Variants in SERHL2 observed in about 807,000 individuals in gnomAD.
The protein encoded by SERHL2 is serine hydrolase like 2, also known as serine hydrolase-like protein 2.
SERHL2 carries 29 observed loss-of-function variants against 25.5 expected under a neutral mutation model. The observed-to-expected ratio is 1.14, with a 90% CI of 0.85 to 1.55. The LOEUF (loss-of-function observed/expected upper bound fraction) is 1.55, where lower values mean the gene tolerates loss of function less well. Among genes scored for constraint, SERHL2 ranks in the 40% most tolerant of loss-of-function variants. The pLI is 0.00. For missense variants in SERHL2, 240 were observed against 252.3 expected (o/e 0.95, Z 0.33); for synonymous variants, 95 against 103.5 (o/e 0.92, Z 0.50).
rs551189406 is a variant in SERHL2, at chr22:42,559,958, C to T, written c.534-228C>T. Among the ~76,000 whole-genome samples the T allele has an allele frequency of 1.6e-4, 24 of 151,876 alleles. No homozygotes were observed. The Middle Eastern group carries it at 0.014, about 87-fold the overall frequency. On this transcript the variant is annotated intron_variant, in intron 7 of 11. Coordinates refer to ENST00000327678, the MANE Select transcript of SERHL2 (RefSeq NM_014509.5). ...TCCCAAGTAGCTGGGATTACAGGCA[C>T]ATGCCACCATGTCCAGCTAAGTTTT...
chr22:42,556,078 G>T lies in SERHL2; in HGVS notation c.343G>T (p.Gly115Ter), dbSNP rs1430323171. 1 of 562,508 alleles carries T rather than the reference G, an allele frequency of 1.8e-6. No individual in the cohort carries two copies. The highest frequency in any genetic ancestry group is 3.0e-5 in the Admixed American group (1 of 33,798). The allele number at this position is 562,508 out of a possible 1,614,324, so 34.8% of individuals were successfully genotyped here. Residue 115 changes from glycine (G) to a stop codon, truncating the protein, a stop_gained, in exon 5 of 12, where the codon GGA (glycine) becomes TGA (stop). Coordinates refer to ENST00000327678, the MANE Select transcript of SERHL2 (RefSeq NM_014509.5). LOFTEE classifies it high-confidence loss of function. ...LGHSFGGVVG[G>*]MFFCTFPEMV... ...TTGTCCCCCAGGTGGCGTCGTGGGC[G>T]GAATGGTGAGTAGATGGCTTTGTCT... is the stretch of plus-strand genomic sequence containing the variant.
At chr22:42,564,646 G>C (rs1923103458) in intron 8 of SERHL2, among the ~76,000 whole-genome samples, 1 of 151,772 alleles carries the variant, frequency 6.6e-6, no homozygotes, top group Non-Finnish European at 1.5e-5. Context: ...GGCCAGGCTG[G>C]TCTCGAACTC....
At position 42,563,638 on chromosome 22, in the gene SERHL2, C is replaced by A. The variant is rs562306245; in HGVS notation, c.614-2666C>A. ...ATTTGTTTAACTTGTGCAGTTTAATCAAAAACATTTGGCATGGGGGGAATT... is the reference window on the plus strand; with the variant it reads ...ATTTGTTTAACTTGTGCAGTTTAATAAAAAACATTTGGCATGGGGGGAATT... On this transcript the variant is annotated intron_variant, in intron 8 of 11. Transcript: ENST00000327678. Among the ~76,000 whole-genome samples the A allele has an allele frequency of 2.2e-4, 33 of 151,978 alleles. 1 individual carries two copies. Among genetic ancestry groups the A allele is most frequent in the Admixed American group, 1.7e-3 (26 of 15,254 alleles).
chr22:42,560,133 G>C (rs1922499717), intron 7 of SERHL2, 53 bp from the exon 8 acceptor site: 6 of 1,397,750 alleles, frequency 4.3e-6, no homozygotes, highest in Non-Finnish European at 6.1e-6. Context: ...CTTTTTATCT[G>C]ACCTCCTTTT....
At chr22:42,563,157 C>T (rs557424458) in intron 8 of SERHL2, among the ~76,000 whole-genome samples, 18 of 151,672 alleles carry the variant, frequency 1.2e-4, no homozygotes, top group African/African-American at 1.9e-4. Context: ...TGTGCCACTG[C>T]ACTCTAGCAA....
Position 42,566,285 on chromosome 22 carries a change from T to C in SERHL2, c.614-19T>C. On this transcript the variant is annotated intron_variant, in intron 8 of 11. Coordinates refer to ENST00000327678, the MANE Select transcript of SERHL2 (RefSeq NM_014509.5). ...GATGGACAGCATTGACGCTGCTGTCTTTGTGCTTCCGCCTCCAGGTCTGGT... is the reference window on the plus strand; with the variant it reads ...GATGGACAGCATTGACGCTGCTGTCCTTGTGCTTCCGCCTCCAGGTCTGGT... 6.2e-7 allele frequency: 1 copy of C among 1,610,696 alleles called. No individual in the cohort carries two copies. The highest frequency in any genetic ancestry group is 1.3e-5 in the African/African-American group (1 of 75,036).
chr22:42,561,526 G>C (rs752784377), intron 8 of SERHL2, among the ~76,000 whole-genome samples: 1 of 151,676 alleles, frequency 6.6e-6, no homozygotes, highest in Non-Finnish European at 1.5e-5. Context: ...GTGCAGGCCG[G>C]GAGGGAGGCT....
intron 1 of SERHL2, among the ~76,000 whole-genome samples, chr22:42,554,412 A>G (rs1347005890): frequency 2.6e-5 from 4 of 152,032 alleles, no homozygotes; most frequent in African/African-American, 9.7e-5. Flanking sequence ...GCCCAGTGTG[A>G]CCTTGGGCAT....
Position 42,559,599 on chromosome 22 carries a change from A to G in SERHL2, c.534-587A>G, listed in dbSNP as rs1013817306. Reference sequence around the variant, plus strand: ...GGGCGCCTGAATATCTATCCAGAAGAGGCGTTAGACATTCTCTAGATGTAA... The same window carrying G: ...GGGCGCCTGAATATCTATCCAGAAGGGGCGTTAGACATTCTCTAGATGTAA... On this transcript the variant is annotated intron_variant, in intron 7 of 11. Transcript: ENST00000327678. 4.6e-5 allele frequency among the ~76,000 whole-genome samples: 7 copies of G among 151,604 alleles called. 1 individual carries two copies. The highest frequency in any genetic ancestry group is 1.7e-4 in the African/African-American group (7 of 41,320).
At chr22:42,567,794 T>G (rs369625083) in intron 9 of SERHL2, among the ~76,000 whole-genome samples, 1 of 151,732 alleles carries the variant, frequency 6.6e-6, no homozygotes, top group Non-Finnish European at 1.5e-5. Context: ...GCAATGGCAC[T>G]ATCTCAGCTC....
At position 42,566,454 on chromosome 22, in the gene SERHL2, A is replaced by T. The variant is rs1923400828; in HGVS notation, c.648+116A>T. On this transcript the variant is annotated intron_variant, in intron 9 of 11. Coordinates refer to ENST00000327678, the MANE Select transcript of SERHL2 (RefSeq NM_014509.5). ...ACGCCTGTAATCCCAGCTACTCAGG[A>T]GGCTGAGGCAGGACAATCGCTTGAA... The T allele has an allele frequency of 1.0e-5, 10 of 959,790 alleles. No individual in the cohort carries two copies. The South Asian group carries it at 1.3e-4, about 13-fold the overall frequency. The allele number at this position is 959,790 out of a possible 1,614,324, so 59.5% of individuals were successfully genotyped here.
chr22:42,561,398 G>A (rs1008515172), intron 8 of SERHL2, among the ~76,000 whole-genome samples: 13 of 151,072 alleles, frequency 8.6e-5, no homozygotes, highest in Non-Finnish European at 1.2e-4. Context: ...GGTTTTTTGC[G>A]CTCATTGGAC....
rs1352717517 is a variant in SERHL2 at position 42,571,348 on chromosome 22, C to A, written c.731+145C>A. 9 of 1,483,214 alleles carry A rather than the reference C, an allele frequency of 6.1e-6. No homozygotes were observed. In the Admixed American group the frequency reaches 6.5e-5, roughly 11 times the overall value. 91.9% of individuals were successfully genotyped at this position (1,483,214 alleles called of 1,614,324 possible). A position where few individuals can be genotyped will look rare whatever the true frequency, so the allele number is the denominator to read the frequency against. On this transcript the variant is annotated intron_variant, in intron 10 of 11. Coordinates refer to ENST00000327678, the MANE Select transcript of SERHL2 (RefSeq NM_014509.5). ...CTCAAGATCTTTTTTGGGAAGCCCC[C>A]CTGGCAGCAGGGTCATGGAAGGAGG...
At chr22:42,562,250 G>A (rs1035215217) in intron 8 of SERHL2, among the ~76,000 whole-genome samples, 1 of 151,788 alleles carries the variant, frequency 6.6e-6, no homozygotes, top group African/African-American at 2.4e-5. Flanking sequence ...CAACCCCAGG[G>A]CCCCTGAGAG....
intron 9 of SERHL2, among the ~76,000 whole-genome samples, chr22:42,570,190 G>A (rs1923971658): frequency 6.6e-6 from 1 of 151,986 alleles, no homozygotes; most frequent in Admixed American, 6.6e-5. Context: ...GGGAGTCCGA[G>A]GCAGACAGAT....
chr22:42,560,185 G>A lies in SERHL2; in HGVS notation c.534-1G>A. On this transcript the variant is annotated splice_acceptor_variant, in intron 7 of 11. Coordinates refer to ENST00000327678, the MANE Select transcript of SERHL2 (RefSeq NM_014509.5). LOFTEE classifies it high-confidence loss of function. ...CCCAGCATCCTTCTGTCTCCCCCCA[G>A]GTTACTGAAGAGCAATAGCCACTTG... is the stretch of plus-strand genomic sequence containing the variant. 6.2e-7 allele frequency: 1 copy of A among 1,611,016 alleles called. No homozygotes were observed. The highest frequency in any genetic ancestry group is 1.1e-5 in the South Asian group (1 of 91,050).
intron 9 of SERHL2, among the ~76,000 whole-genome samples, chr22:42,568,299 A>T (rs1206344973): frequency 6.6e-6 from 1 of 151,524 alleles, no homozygotes; most frequent in Non-Finnish European, 1.5e-5. Flanking sequence ...CTGGGATTAC[A>T]GGTGTGAGCC....
intron 7 of SERHL2, among the ~76,000 whole-genome samples, chr22:42,559,937 A>C (rs961197033): frequency 4.0e-5 from 6 of 151,854 alleles, no homozygotes; most frequent in Admixed American, 1.3e-4. Flanking sequence ...TCAGCTTCCC[A>C]AGTAGCTGGG....
chr22:42,566,209 C>A, intron 8 of SERHL2, 95 bp from the exon 9 acceptor site: 1 of 1,264,284 alleles, frequency 7.9e-7, no homozygotes, highest in Non-Finnish European at 1.1e-6. Context: ...TGGGCCCTGG[C>A]TGCAAAGGCC....
Sources: allele counts gnomAD v4.1 joint callset (sites outside exome capture counted in the v4.1 genomes callset), GRCh38; gene constraint gnomAD v4.1.1; transcripts MANE v1.5; gene names NCBI Gene and HGNC (gene_info 2026-07-23, HGNC 2026-07-21).